MEF2A: variants seen among roughly 807,000 people sequenced by gnomAD.
MEF2A encodes myocyte enhancer factor 2A.
In MEF2A, 28 loss-of-function variants were observed where a neutral mutation model predicts 55.8. That is an observed-to-expected ratio of 0.50 (90% CI 0.37 to 0.69). The LOEUF (loss-of-function observed/expected upper bound fraction) is 0.69. Among genes scored for constraint, MEF2A ranks in the 30% least tolerant of loss-of-function variants. The pLI, the probability that MEF2A is intolerant of heterozygous loss-of-function variation, is 0.00. For synonymous variants in MEF2A, 239 were observed against 227.1 expected, an observed-to-expected ratio of 1.05 and a Z score of -0.47; for missense variants, 528 against 626.2, an observed-to-expected ratio of 0.84 and a Z score of 1.67.
chr15:99,589,535 C>G (rs1022164248), intron 1 of MEF2A, among the ~76,000 whole-genome samples: 1 of 152,020 alleles, frequency 6.6e-6, no homozygotes, highest in African/African-American at 2.4e-5. Context: ...CTTACCTCTA[C>G]TTTTAGTTTA....
At chr15:99,616,878 A>C (rs1468630136) in intron 2 of MEF2A, among the ~76,000 whole-genome samples, 1 of 152,184 alleles carries the variant, frequency 6.6e-6, no homozygotes, top group African/African-American at 2.4e-5. Context: ...AGGCTAGCAG[A>C]ACCTGTCTGA....
intron 3 of MEF2A, among the ~76,000 whole-genome samples, chr15:99,640,271 T>G (rs1023652602): frequency 2.0e-5 from 3 of 152,220 alleles, no homozygotes; most frequent in Non-Finnish European, 4.4e-5. Context: ...AATGGTGGAT[T>G]TGTCAATTTC....
At chr15:99,691,549 T>G (rs2055458880) in intron 8 of MEF2A, among the ~76,000 whole-genome samples, 1 of 151,824 alleles carries the variant, frequency 6.6e-6, no homozygotes. Context: ...AATACGAAAA[T>G]TAGCCGGGCG....
At chr15:99,645,474 G>T in intron 3 of MEF2A, 87 bp from the exon 4 acceptor site, 2 of 987,892 alleles carry the variant, frequency 2.0e-6, no homozygotes, top group Non-Finnish European at 3.0e-6. Context: ...ATCTGGCTCA[G>T]TATTAAGAAG....
intron 2 of MEF2A, among the ~76,000 whole-genome samples, chr15:99,617,306 T>C (rs2040374194): frequency 6.6e-6 from 1 of 152,106 alleles, no homozygotes; most frequent in African/African-American, 2.4e-5. Context: ...TAAGGTATCT[T>C]TGCTTTCTAT....
intron 1 of MEF2A, among the ~76,000 whole-genome samples, chr15:99,582,995 T>C (rs1173566470): frequency 2.0e-5 from 3 of 152,148 alleles, no homozygotes; most frequent in Non-Finnish European, 4.4e-5. Context: ...GGGGATGTTA[T>C]GAGGATAGTC....
At chr15:99,691,688 A>C (rs2055493481) in intron 8 of MEF2A, among the ~76,000 whole-genome samples, 1 of 151,896 alleles carries the variant, frequency 6.6e-6, no homozygotes, top group African/African-American at 2.4e-5. Flanking sequence ...ACAGAGCAAG[A>C]CTCTGTCTCA....
chr15:99,625,843 C>T lies in MEF2A; in HGVS notation c.-142-7135C>T, dbSNP rs141122456. ...ATCCCACTTGATCACCATTATAATC[C>T]TTTTAATATTCGGTAGAATTCAGTT... is the stretch of plus-strand genomic sequence containing the variant. On this transcript the variant is annotated intron_variant, in intron 2 of 11. Transcript: ENST00000557942. 7.0e-4 allele frequency among the ~76,000 whole-genome samples: 107 copies of T among 152,056 alleles called. 2 individuals are homozygous for T. Among genetic ancestry groups the T allele is most frequent in the African/African-American group, 2.4e-3 (101 of 41,506 alleles).
intron 8 of MEF2A, among the ~76,000 whole-genome samples, chr15:99,696,227 C>G (rs1390111255): frequency 2.0e-5 from 3 of 152,138 alleles, no homozygotes; most frequent in Non-Finnish European, 2.9e-5. Flanking sequence ...CAGTAAGGAT[C>G]TAGATGATTT....
At chr15:99,636,433 A>G (rs2043853296) in intron 3 of MEF2A, among the ~76,000 whole-genome samples, 1 of 152,112 alleles carries the variant, frequency 6.6e-6, no homozygotes, top group African/African-American at 2.4e-5. Flanking sequence ...TGTAACTCAA[A>G]CTTTTGGGCT....
intron 4 of MEF2A, among the ~76,000 whole-genome samples, chr15:99,670,814 G>T (rs2050734513): frequency 6.6e-6 from 1 of 152,210 alleles, no homozygotes; most frequent in Non-Finnish European, 1.5e-5. Flanking sequence ...ATACAGGAAA[G>T]TGAATAATAG....
intron 2 of MEF2A, among the ~76,000 whole-genome samples, chr15:99,599,797 C>T (rs1972380734): frequency 6.6e-6 from 1 of 151,972 alleles, no homozygotes; most frequent in Non-Finnish European, 1.5e-5. Context: ...CCCTCTCTAC[C>T]CATAGGTTCC....
At chr15:99,575,758 A>G (rs1362699974) in intron 1 of MEF2A, among the ~76,000 whole-genome samples, 1 of 152,190 alleles carries the variant, frequency 6.6e-6, no homozygotes. Flanking sequence ...TTTTCTAACC[A>G]TCGTTCCCTC....
chr15:99,643,377 G>GT (rs1487591857), intron 3 of MEF2A, among the ~76,000 whole-genome samples: 1 of 152,030 alleles, frequency 6.6e-6, no homozygotes, highest in African/African-American at 2.4e-5. Flanking sequence ...TTAACAGCTT[G>GT]TTTTCTTGCT....
At chr15:99,699,065 A>C (rs1407036151) in intron 8 of MEF2A, among the ~76,000 whole-genome samples, 2 of 151,724 alleles carry the variant, frequency 1.3e-5, no homozygotes, top group Non-Finnish European at 2.9e-5. Context: ...ATTAAAAAAA[A>C]AAAAACAAAA....
intron 2 of MEF2A, among the ~76,000 whole-genome samples, chr15:99,618,912 A>G (rs547470396): frequency 6.6e-6 from 1 of 152,366 alleles, no homozygotes; most frequent in South Asian, 2.1e-4. Context: ...TGCTAAAGAC[A>G]AGCTTTATGT....
intron 4 of MEF2A, among the ~76,000 whole-genome samples, chr15:99,668,679 C>CAAGT (rs2050266314): frequency 1.3e-5 from 2 of 152,154 alleles, no homozygotes; most frequent in Admixed American, 6.5e-5. Context: ...CCTCATTGAG[C>CAAGT]AAGTGTCTTT....
chr15:99,576,719 C>T (rs1216474407), intron 1 of MEF2A, among the ~76,000 whole-genome samples: 1 of 151,672 alleles, frequency 6.6e-6, no homozygotes, highest in Non-Finnish European at 1.5e-5. Context: ...TGGCTCACTG[C>T]AAGCTCCGCC....
chr15:99,602,697 T>TGTGTGTAGGGGTGGG, intron 2 of MEF2A, among the ~76,000 whole-genome samples: 2 of 81,542 alleles, frequency 2.5e-5, no homozygotes, highest in African/African-American at 5.5e-5. Context: ...TGTGTGTGTG[T>TGTGTGTAGGGGTGGG]GTAGGGGTGG....
Sources: allele counts gnomAD v4.1 joint callset (sites outside exome capture counted in the v4.1 genomes callset), GRCh38; gene constraint gnomAD v4.1.1; transcripts MANE v1.5; gene names NCBI Gene and HGNC (gene_info 2026-07-23, HGNC 2026-07-21).